The following TM9SF3 variants were observed in gnomAD, a reference collection of about 807,000 sequenced individuals.
The protein encoded by TM9SF3 is transmembrane 9 superfamily member 3.
TM9SF3 carries 14 observed loss-of-function variants against 78.6 expected under a neutral mutation model. That is an observed-to-expected ratio of 0.18 (90% CI 0.12 to 0.28). The LOEUF (loss-of-function observed/expected upper bound fraction) is 0.28, where lower values mean the gene tolerates loss of function less well. Ranked by LOEUF, TM9SF3 falls within the 10% of genes least tolerant of loss-of-function variation. TM9SF3 has a pLI of 1.00. For synonymous variants in TM9SF3, 231 were observed against 241.7 expected, an observed-to-expected ratio of 0.96 and a Z score of 0.41; for missense variants, 496 against 721.9, an observed-to-expected ratio of 0.69 and a Z score of 3.59.
At chr10:96,585,142 T>C (rs1257084253) in intron 1 of TM9SF3, among the ~76,000 whole-genome samples, 1 of 152,170 alleles carries the variant, frequency 6.6e-6, no homozygotes, top group African/African-American at 2.4e-5. Flanking sequence ...GATTACAAGA[T>C]TAAAAAGTAG....
chr10:96,528,229 A>G, intron 11 of TM9SF3, 52 bp from the exon 12 acceptor site: 1 of 1,515,058 alleles, frequency 6.6e-7, no homozygotes, highest in Non-Finnish European at 8.9e-7. Context: ...CTTAAAGCTC[A>G]CTCTGCTCTT....
chr10:96,560,982 G>A, intron 4 of TM9SF3: 2 of 446,616 alleles, frequency 4.5e-6, no homozygotes, highest in South Asian at 3.7e-5. Context: ...AAGAAAAGGA[G>A]AGACAAATAT....
chr10:96,551,403 G>T lies in TM9SF3; in HGVS notation c.801C>A (p.Asp267Glu). 6.2e-7 allele frequency: 1 copy of T among 1,602,498 alleles called. No homozygotes were observed. The highest frequency in any genetic ancestry group is 8.5e-7 in the Non-Finnish European group (1 of 1,175,340). The change falls in exon 7 of 15, where the codon GAC (aspartate) becomes GAA (glutamate). Residue 267 changes from aspartate to glutamate, a missense_variant. Transcript: ENST00000371142. Reference protein sequence around the residue: ...KEEEMDDMDRDLGDEYGWKQV... With the variant: ...KEEEMDDMDRELGDEYGWKQV... ...GTTTCCATCCATATTCATCTCCTAGGTCTCTATCCTATATACAAATATATA... is the reference window on the plus strand; with the variant it reads ...GTTTCCATCCATATTCATCTCCTAGTTCTCTATCCTATATACAAATATATA...
Position 96,562,108 on chromosome 10 carries a change from T to C in TM9SF3, c.452A>G (p.Glu151Gly), listed in dbSNP as rs1379604089. The change falls in exon 4 of 15, where the codon GAA becomes GGA. Residue 151 changes from glutamate to glycine, a missense_variant. Glu to Gly is a moderately conservative substitution (Grantham distance 98). This residue lies in a region of TM9SF3 where 155 missense variants were observed against 241.6 expected (regional missense o/e 0.64). Transcript: ENST00000371142. ...TTTATAGGTCCAAAGATAGTAATCT[T>C]CTCCATTTTCATCAGCCTCACCAAC... The part of the protein sequence containing the change: ...GIVGEADENG[E>G]DYYLWTYKKL... 1 of 1,612,614 alleles carries C rather than the reference T, an allele frequency of 6.2e-7. No individual in the cohort carries two copies. Among genetic ancestry groups the C allele is most frequent in the African/African-American group, 1.3e-5 (1 of 74,808 alleles).
chr10:96,524,562 C>G (rs941415646), intron 14 of TM9SF3, among the ~76,000 whole-genome samples: 4 of 151,670 alleles, frequency 2.6e-5, no homozygotes, highest in Non-Finnish European at 5.9e-5. Context: ...ATGAGTACCT[C>G]AAGAATAAAC....
At chr10:96,583,340 C>G (rs1225983457) in intron 1 of TM9SF3, among the ~76,000 whole-genome samples, 1 of 152,224 alleles carries the variant, frequency 6.6e-6, no homozygotes, top group Non-Finnish European at 1.5e-5. Flanking sequence ...AGCTCTCACA[C>G]AGTCTTTTGT....
At chr10:96,527,952 C>T (rs1847856756) in intron 12 of TM9SF3, 79 bp downstream of exon 12, 2 of 1,427,906 alleles carry the variant, frequency 1.4e-6, no homozygotes, top group South Asian at 2.8e-5. Context: ...GCTCTTTACT[C>T]CACTTGATAG....
intron 2 of TM9SF3, among the ~76,000 whole-genome samples, chr10:96,570,413 G>A (rs1294671097): frequency 6.6e-6 from 1 of 151,986 alleles, no homozygotes; most frequent in African/African-American, 2.4e-5. Context: ...TTCTATCACT[G>A]TTACAATCAG....
intron 9 of TM9SF3, among the ~76,000 whole-genome samples, chr10:96,538,761 T>C (rs1056029683): frequency 1.7e-4 from 26 of 151,920 alleles, no homozygotes; most frequent in African/African-American, 6.0e-4. Flanking sequence ...AAAAAGCAAA[T>C]AAAAAGATCT....
At chr10:96,555,143 A>G (rs1261597083) in intron 5 of TM9SF3, among the ~76,000 whole-genome samples, 1 of 151,892 alleles carries the variant, frequency 6.6e-6, no homozygotes, top group Non-Finnish European at 1.5e-5. Context: ...ACAGTTGTAC[A>G]CCCTATTTCT....
chr10:96,583,040 A>G (rs1351293874), intron 1 of TM9SF3, among the ~76,000 whole-genome samples: 1 of 150,318 alleles, frequency 6.7e-6, no homozygotes, highest in Non-Finnish European at 1.5e-5. Context: ...AGATCACGCC[A>G]TTGCACTCCA....
intron 2 of TM9SF3, among the ~76,000 whole-genome samples, chr10:96,571,305 T>C (rs1294576402): frequency 2.0e-5 from 3 of 152,176 alleles, no homozygotes; most frequent in East Asian, 3.8e-4. Context: ...TCCCCTCCTC[T>C]ACCCTTCATA....
intron 1 of TM9SF3, among the ~76,000 whole-genome samples, chr10:96,585,132 G>A (rs1024602589): frequency 6.6e-6 from 1 of 152,024 alleles, no homozygotes; most frequent in African/African-American, 2.4e-5. Context: ...TAAGTCACAA[G>A]ATTACAAGAT....
In TM9SF3 at chr10:96,522,218, C is replaced by A. The variant is rs764021902; in HGVS notation, c.*45G>T. 1 of 1,537,504 alleles carries A rather than the reference C, an allele frequency of 6.5e-7. No homozygotes were observed. Among genetic ancestry groups the A allele is most frequent in the Admixed American group, 1.8e-5 (1 of 54,912 alleles). On this transcript the variant is annotated 3_prime_UTR_variant, in exon 15 of 15. Transcript: ENST00000371142. ...TGTTTTTGCTGTGCAAGTTCCACCC[C>A]TATGAAAAAGAAATTGATCCAAAGT... is the stretch of plus-strand genomic sequence containing the variant.
intron 4 of TM9SF3, 55 bp from the exon 5 acceptor site, chr10:96,559,791 G>T: frequency 9.4e-7 from 1 of 1,066,766 alleles, no homozygotes; most frequent in South Asian, 1.6e-5. Context: ...TTAATAATCT[G>T]ATGACAAAAC....
intron 9 of TM9SF3, among the ~76,000 whole-genome samples, chr10:96,541,574 G>A (rs1483427353): frequency 6.6e-6 from 1 of 152,004 alleles, no homozygotes; most frequent in Non-Finnish European, 1.5e-5. Context: ...AGTAGAGATA[G>A]GGTTTCACCA....
At chr10:96,567,968 AAC>A (rs1848397824) in intron 2 of TM9SF3, among the ~76,000 whole-genome samples, 2 of 152,254 alleles carry the variant, frequency 1.3e-5, no homozygotes, top group African/African-American at 4.8e-5. Flanking sequence ...GAAATTTTTG[AAC>A]AGTGTCTCTC....
At position 96,550,199 on chromosome 10, in the gene TM9SF3, T is replaced by C. The variant is rs373981676; in HGVS notation, c.959+1046A>G. Reference sequence around the variant, plus strand: ...AAATAGCTTTGTTGGTTAATACATATTCACTTCAGTTCAACAAGCATTGAC... The same window carrying C: ...AAATAGCTTTGTTGGTTAATACATACTCACTTCAGTTCAACAAGCATTGAC... On this transcript the variant is annotated intron_variant, in intron 7 of 14. Coordinates refer to ENST00000371142, the MANE Select transcript of TM9SF3 (RefSeq NM_020123.4). Among the ~76,000 whole-genome samples the C allele has an allele frequency of 3.3e-5, 5 of 152,340 alleles. 2 individuals are homozygous for C. Among genetic ancestry groups the C allele is most frequent in the Admixed American group, 6.5e-5 (1 of 15,302 alleles).
intron 7 of TM9SF3, among the ~76,000 whole-genome samples, chr10:96,548,513 T>G (rs1293134004): frequency 1.3e-5 from 2 of 152,124 alleles, no homozygotes; most frequent in African/African-American, 4.8e-5. Context: ...AAAATGATTT[T>G]TAGGCCGCGC....
Sources: gnomAD v4.1 joint callset for allele counts (sites outside exome capture counted in the v4.1 genomes callset) on GRCh38, gnomAD v4.1.1 for gene constraint, gnomAD v4.1.1 regional missense constraint, MANE v1.5 for transcripts, NCBI Gene and HGNC (gene_info 2026-07-23, HGNC 2026-07-21) for gene names.